Variants in FILIP1L observed in about 807,000 individuals in gnomAD.
FILIP1L encodes the protein filamin A interacting protein 1 like.
Under a neutral mutation model 96.6 loss-of-function variants are expected in FILIP1L, and 55 were observed. That is an observed-to-expected ratio of 0.57 (90% confidence interval 0.46 to 0.71). The LOEUF is 0.71. FILIP1L is among the 30% of genes least tolerant of loss of function. The probability of loss-of-function intolerance (pLI) is 0.00; values close to 1 mark genes in which losing one functional copy is unlikely to be tolerated. For missense variants in FILIP1L, 1,304 were observed against 1,321.2 expected (o/e 0.99, Z 0.20); for synonymous variants, 467 against 473.9 (o/e 0.99, Z 0.19).
At chr3:99,952,272 G>A (rs1708200142) in intron 1 of FILIP1L, among the ~76,000 whole-genome samples, 1 of 152,100 alleles carries the variant, frequency 6.6e-6, no homozygotes, top group East Asian at 1.9e-4. Flanking sequence ...AATTAGGGCA[G>A]TTTCAATTGG....
In FILIP1L at chr3:99,924,408, A is replaced by G. The variant is rs962591413; in HGVS notation, c.427T>C (p.Leu143=). Reference sequence around the variant, plus strand: ...TTATGTTTTTCCACAACTTTGTCCAACTACGAAAGAAAACATTTATAGCCT... The same window carrying G: ...TTATGTTTTTCCACAACTTTGTCCAGCTACGAAAGAAAACATTTATAGCCT... ...EDIYEKPMNE[L]DKVVEKHKES... is the part of the protein sequence containing the mutation. The change falls in exon 4 of 6, where the codon TTG becomes CTG. Residue 143 remains leucine, a splice_region_variant and synonymous_variant. Coordinates refer to ENST00000477258, the MANE Select transcript of FILIP1L (RefSeq NM_001387850.1). 3.1e-6 allele frequency: 5 copies of G among 1,613,508 alleles called. No homozygotes were observed. Among genetic ancestry groups the G allele is most frequent in the East Asian group, 4.5e-5 (2 of 44,894 alleles).
intron 1 of FILIP1L, among the ~76,000 whole-genome samples, chr3:99,993,033 T>C (rs1177202392): frequency 1.3e-5 from 2 of 152,144 alleles, no homozygotes; most frequent in South Asian, 4.1e-4. Context: ...GTAACTGTTG[T>C]TATACCAGTG....
intron 1 of FILIP1L, among the ~76,000 whole-genome samples, chr3:100,020,895 G>A (rs1559728006): frequency 1.3e-5 from 2 of 148,284 alleles, no homozygotes; most frequent in African/African-American, 2.5e-5. Context: ...AGTCTCCCAA[G>A]TAGCTGGGAC....
rs376645916 is a variant in FILIP1L, at chr3:99,849,419, G to T, written c.2257C>A (p.Gln753Lys). 20 of 1,613,994 alleles carry T rather than the reference G, an allele frequency of 1.2e-5. No homozygotes were observed. Among genetic ancestry groups the T allele is most frequent in the Non-Finnish European group, 1.6e-5 (19 of 1,180,020 alleles). ...HSVLQKKLNQ[Q>K]ENRNRDLGRE... is the part of the protein sequence containing the mutation. ...CCTAAATCTCTGTTCCTGTTTTCTT[G>T]TTGATTTAGTTTTTTTTGCAGGACT... Residue 753 changes from glutamine to lysine, a missense_variant, in exon 5 of 6, where the codon CAA becomes AAA. Coordinates refer to ENST00000477258, the MANE Select transcript of FILIP1L (RefSeq NM_001387850.1).
chr3:100,071,526 G>A (rs954581161), intron 1 of FILIP1L, among the ~76,000 whole-genome samples: 2 of 152,156 alleles, frequency 1.3e-5, no homozygotes, highest in Non-Finnish European at 2.9e-5. Context: ...AGGGTGGGGG[G>A]CAGAGTACAG....
intron 5 of FILIP1L, among the ~76,000 whole-genome samples, chr3:99,840,896 A>C (rs1466114731): frequency 6.6e-6 from 1 of 152,198 alleles, no homozygotes; most frequent in African/African-American, 2.4e-5. Context: ...AGGCTTTGTT[A>C]ATCTACTGTG....
chr3:99,904,918 C>G (rs1480593379), intron 4 of FILIP1L, among the ~76,000 whole-genome samples: 1 of 152,160 alleles, frequency 6.6e-6, no homozygotes. Context: ...TCCTCACCAC[C>G]TTCTTTGGGT....
At chr3:100,058,354 C>T (rs748700627) in intron 1 of FILIP1L, among the ~76,000 whole-genome samples, 5 of 152,168 alleles carry the variant, frequency 3.3e-5, no homozygotes, top group African/African-American at 4.8e-5. Context: ...TGCTTATAAA[C>T]GGGTATGATT....
intron 2 of FILIP1L, among the ~76,000 whole-genome samples, 188 bp from the exon 3 acceptor site, chr3:99,930,217 A>G (rs1707433783): frequency 6.6e-6 from 1 of 152,246 alleles, no homozygotes; most frequent in Non-Finnish European, 1.5e-5. Flanking sequence ...TAATTACACA[A>G]TTAATGTTTT....
chr3:99,983,102 A>G (rs2107735276), intron 1 of FILIP1L, among the ~76,000 whole-genome samples: 1 of 152,208 alleles, frequency 6.6e-6, no homozygotes, highest in Middle Eastern at 3.4e-3. Context: ...CCTTTCTTTC[A>G]GATGGTGCAG....
At chr3:99,832,423 G>T (rs1354304214) in intron 5 of FILIP1L, among the ~76,000 whole-genome samples, 1 of 149,634 alleles carries the variant, frequency 6.7e-6, no homozygotes, top group Non-Finnish European at 1.5e-5. Context: ...GTAGAGACGG[G>T]GTTTCACTGT....
chr3:99,904,693 C>A (rs78248356), intron 4 of FILIP1L, among the ~76,000 whole-genome samples: 2,382 of 152,104 alleles, frequency 0.016, 37 homozygotes, highest in Non-Finnish European at 0.024. Flanking sequence ...AATTTTACCC[C>A]ATTATCACTG....
At chr3:99,980,571 C>G (rs1187910349) in intron 1 of FILIP1L, among the ~76,000 whole-genome samples, 2 of 152,070 alleles carry the variant, frequency 1.3e-5, no homozygotes, top group East Asian at 3.9e-4. Flanking sequence ...TTATTACAAA[C>G]TTAAGAAAAA....
intron 4 of FILIP1L, among the ~76,000 whole-genome samples, chr3:99,894,244 C>G (rs1271713214): frequency 2.0e-5 from 3 of 152,156 alleles, no homozygotes; most frequent in Admixed American, 1.3e-4. Flanking sequence ...AATACTCTTT[C>G]AGTGCTAAGG....
chr3:100,003,585 C>G (rs78665059), intron 1 of FILIP1L, among the ~76,000 whole-genome samples: 1 of 152,114 alleles, frequency 6.6e-6, no homozygotes, highest in East Asian at 1.9e-4. Context: ...GAATCTCAGT[C>G]CCTTGACACT....
chr3:99,925,945 T>G (rs1461549543), intron 3 of FILIP1L: 1 of 927,908 alleles, frequency 1.1e-6, no homozygotes, highest in Non-Finnish European at 1.3e-6. Flanking sequence ...AAGAGCTAAC[T>G]CGGGATCTTT....
At position 99,848,882 on chromosome 3, in the gene FILIP1L, T is replaced by A. The variant is rs775276773; in HGVS notation, c.2794A>T (p.Ser932Cys). Reference sequence around the variant, plus strand: ...CCACAGTTCGGTATCACTGCAGTACTCGTGTAAGAGTGAGGACTCTCTGTG... The same window carrying A: ...CCACAGTTCGGTATCACTGCAGTACACGTGTAAGAGTGAGGACTCTCTGTG... ...PTTESPHSYT[S>C]TAVIPNCGTP... The change falls in exon 5 of 6, where the codon AGT (serine) becomes TGT (cysteine). Residue 932 changes from serine to cysteine, a missense_variant. Transcript: ENST00000477258. 3.1e-6 allele frequency: 5 copies of A among 1,614,150 alleles called. No homozygotes were observed. The highest frequency in any genetic ancestry group is 4.2e-6 in the Non-Finnish European group (5 of 1,180,032).
chr3:99,861,129 A>T (rs1944231692), intron 4 of FILIP1L, among the ~76,000 whole-genome samples: 1 of 151,980 alleles, frequency 6.6e-6, no homozygotes, highest in Non-Finnish European at 1.5e-5. Flanking sequence ...TTTAGAAAAG[A>T]TCCCTTAAAT....
chr3:100,091,832 A>G (rs770611743), intron 1 of FILIP1L, among the ~76,000 whole-genome samples: 1 of 152,230 alleles, frequency 6.6e-6, no homozygotes, highest in Admixed American at 6.5e-5. Flanking sequence ...CGTGATTCAC[A>G]GGTACATTGT....
Sources: gnomAD v4.1 joint callset for allele counts (sites outside exome capture counted in the v4.1 genomes callset) on GRCh38, gnomAD v4.1.1 for gene constraint, MANE v1.5 for transcripts, NCBI Gene and HGNC (gene_info 2026-07-23, HGNC 2026-07-21) for gene names.